The following SLC25A21 variants were observed in gnomAD, a reference collection of about 807,000 sequenced individuals.
SLC25A21 encodes the protein solute carrier family 25 member 21.
SLC25A21 carries 47 observed loss-of-function variants against 43.8 expected under a neutral mutation model. That is an observed-to-expected ratio of 1.07 (90% CI 0.85 to 1.37). The LOEUF (loss-of-function observed/expected upper bound fraction) is 1.37. SLC25A21 is among the 40% of genes most tolerant of loss of function. SLC25A21 has a pLI of 0.00. For missense variants in SLC25A21, 352 were observed against 350.2 expected (o/e 1.00, Z -0.04); for synonymous variants, 131 against 121.3 (o/e 1.08, Z -0.52).
At chr14:36,710,831 A>G (rs1335561966) in intron 7 of SLC25A21, among the ~76,000 whole-genome samples, 1 of 152,206 alleles carries the variant, frequency 6.6e-6, no homozygotes, top group East Asian at 1.9e-4. Context: ...GAATTGATTA[A>G]CTACCCTAAT....
At position 36,680,177 on chromosome 14, in the gene SLC25A21, A is replaced by ATTAT. The variant is rs1202920825; in HGVS notation, c.*477_*480dup. 2.4e-6 allele frequency: 2 copies of ATTAT among 833,622 alleles called. No individual in the cohort carries two copies. The highest frequency in any genetic ancestry group is 1.3e-4 in the East Asian group (1 of 7,994). The allele number at this position is 833,622 out of a possible 1,614,324, so 51.6% of individuals were successfully genotyped here. A position where few individuals can be genotyped will look rare whatever the true frequency, so the allele number is the denominator to read the frequency against. ...AAAATTTTTCTTGTGCTCTTTAAATATTATTTATGGAATAATTTAATTCAT... is the reference window on the plus strand; with the variant it reads ...AAAATTTTTCTTGTGCTCTTTAAATATTATTTATTTATGGAATAATTTAATTCAT... On this transcript the variant is annotated 3_prime_UTR_variant, in exon 10 of 10. Coordinates refer to ENST00000331299, the MANE Select transcript of SLC25A21 (RefSeq NM_030631.4).
chr14:36,907,059 G>T (rs1212181629), intron 1 of SLC25A21, among the ~76,000 whole-genome samples: 1 of 152,080 alleles, frequency 6.6e-6, no homozygotes, highest in Non-Finnish European at 1.5e-5. Context: ...AAAATAGGGG[G>T]ATCGTATCTC....
At chr14:36,855,093 T>G (rs1889859575) in intron 2 of SLC25A21, among the ~76,000 whole-genome samples, 1 of 151,994 alleles carries the variant, frequency 6.6e-6, no homozygotes, top group South Asian at 2.1e-4. Flanking sequence ...CTGAACAATG[T>G]CAGTAAAGTA....
intron 1 of SLC25A21, among the ~76,000 whole-genome samples, chr14:37,060,367 G>A (rs1961918601): frequency 7.0e-6 from 1 of 143,488 alleles, no homozygotes; most frequent in African/African-American, 2.6e-5. Context: ...AATGACTAAG[G>A]CACTCTACTC....
chr14:37,149,078 TC>T (rs1244466292), intron 1 of SLC25A21, among the ~76,000 whole-genome samples: 1 of 152,064 alleles, frequency 6.6e-6, no homozygotes, highest in Non-Finnish European at 1.5e-5. Flanking sequence ...GCCTAGATGA[TC>T]CATTTTTTGA....
intron 1 of SLC25A21, among the ~76,000 whole-genome samples, chr14:37,082,249 G>A (rs1447030216): frequency 1.3e-5 from 2 of 152,122 alleles, no homozygotes; most frequent in South Asian, 2.1e-4. Context: ...GGGGGAATGG[G>A]TTTAAGAAAA....
At chr14:36,864,165 T>C (rs1890148523) in intron 2 of SLC25A21, among the ~76,000 whole-genome samples, 1 of 152,228 alleles carries the variant, frequency 6.6e-6, no homozygotes, top group African/African-American at 2.4e-5. Flanking sequence ...GGGTCATTCC[T>C]AGGTTATATT....
At chr14:36,854,679 T>C (rs1889845260) in intron 2 of SLC25A21, among the ~76,000 whole-genome samples, 1 of 152,194 alleles carries the variant, frequency 6.6e-6, no homozygotes, top group Non-Finnish European at 1.5e-5. Context: ...AAATAATAAA[T>C]GGTAGTCTGG....
intron 2 of SLC25A21, among the ~76,000 whole-genome samples, chr14:36,865,322 CCT>C (rs1485924837): frequency 6.6e-6 from 1 of 152,080 alleles, no homozygotes; most frequent in Non-Finnish European, 1.5e-5. Flanking sequence ...CATTTTCACC[CCT>C]CAGAGCCATT....
chr14:36,830,654 C>T (rs1889005724), intron 2 of SLC25A21, among the ~76,000 whole-genome samples: 2 of 152,082 alleles, frequency 1.3e-5, no homozygotes, highest in South Asian at 4.1e-4. Context: ...TGTATGTAAA[C>T]TGTCATTAAG....
At chr14:36,732,079 G>T (rs757231925) in intron 4 of SLC25A21, among the ~76,000 whole-genome samples, 1 of 152,122 alleles carries the variant, frequency 6.6e-6, no homozygotes, top group African/African-American at 2.4e-5. Flanking sequence ...ATCTCCACCA[G>T]GAGTGGAAGT....
At position 36,680,709 on chromosome 14, in the gene SLC25A21, C is replaced by T; in HGVS notation, c.849G>A (p.Val283=). Residue 283 remains valine (V), a synonymous_variant, in exon 10 of 10, where the codon GTG becomes GTA. Transcript: ENST00000331299. ...KIMRLGPGGA[V]MLLVYEYTYS... ...AGGTGTATTCATAAACCAGCAGCAT[C>T]ACTGCACCACCTAGAAAAGAAAAGA... The T allele has an allele frequency of 6.2e-7, 1 of 1,612,788 alleles. No individual in the cohort carries two copies. Among genetic ancestry groups the T allele is most frequent in the Non-Finnish European group, 8.5e-7 (1 of 1,179,470 alleles).
intron 1 of SLC25A21, among the ~76,000 whole-genome samples, chr14:36,954,199 A>T (rs1959268719): frequency 6.6e-6 from 1 of 152,068 alleles, no homozygotes; most frequent in Non-Finnish European, 1.5e-5. Flanking sequence ...AATGTCTCTG[A>T]TTGTCCTTTG....
At chr14:36,822,218 A>T (rs1456017832) in intron 2 of SLC25A21, among the ~76,000 whole-genome samples, 1 of 152,236 alleles carries the variant, frequency 6.6e-6, no homozygotes, top group Non-Finnish European at 1.5e-5. Flanking sequence ...GCCTGGCATC[A>T]ATTAACACTC....
chr14:36,689,975 C>T (rs1882726541), intron 7 of SLC25A21, among the ~76,000 whole-genome samples: 1 of 152,170 alleles, frequency 6.6e-6, no homozygotes, highest in African/African-American at 2.4e-5. Context: ...TTGGTGGAAA[C>T]AGGGGTTGTT....
At chr14:36,880,469 C>G (rs566524911) in intron 1 of SLC25A21, among the ~76,000 whole-genome samples, 1 of 152,194 alleles carries the variant, frequency 6.6e-6, no homozygotes, top group East Asian at 1.9e-4. Flanking sequence ...TGTGACACTA[C>G]CACTGTTTCT....
chr14:36,924,286 T>A (rs1396142656), intron 1 of SLC25A21, among the ~76,000 whole-genome samples: 2 of 152,110 alleles, frequency 1.3e-5, no homozygotes, highest in South Asian at 2.1e-4. Context: ...CAAATGCCCA[T>A]CAATGATAGA....
At chr14:37,038,018 T>C (rs913352268) in intron 1 of SLC25A21, among the ~76,000 whole-genome samples, 1 of 152,206 alleles carries the variant, frequency 6.6e-6, no homozygotes, top group African/African-American at 2.4e-5. Context: ...AAGCTCCCTG[T>C]GGGTATGGAA....
At chr14:37,101,031 A>C (rs1018217644) in intron 1 of SLC25A21, among the ~76,000 whole-genome samples, 1 of 152,216 alleles carries the variant, frequency 6.6e-6, no homozygotes, top group African/African-American at 2.4e-5. Flanking sequence ...GAAATTAAAT[A>C]AAATAATCTA....
Sources: gnomAD v4.1 joint callset for allele counts (sites outside exome capture counted in the v4.1 genomes callset) on GRCh38, gnomAD v4.1.1 for gene constraint, MANE v1.5 for transcripts, NCBI Gene and HGNC (gene_info 2026-07-23, HGNC 2026-07-21) for gene names.